SPMIP7: variants seen among roughly 807,000 people sequenced by gnomAD.
SPMIP7 encodes sperm microtubule inner protein 7.
chr7:50,134,240 A>G, the SPMIP7 span: 1 of 1,540,318 alleles, frequency 6.5e-7, no homozygotes, highest in Non-Finnish European at 8.7e-7. Context: ...TGCCAGCAAT[A>G]ACTCAGGTCA....
At chr7:50,150,166 C>G in the SPMIP7 span, among the ~76,000 whole-genome samples, 2 of 152,166 alleles carry the variant, frequency 1.3e-5, no homozygotes, top group Non-Finnish European at 2.9e-5. Context: ...GCTTACTGGT[C>G]GTGTGGGAAG....
the SPMIP7 span, among the ~76,000 whole-genome samples, chr7:50,124,735 GA>G: frequency 6.6e-6 from 1 of 152,092 alleles, no homozygotes; most frequent in Non-Finnish European, 1.5e-5. Flanking sequence ...CTGCTAAGAA[GA>G]AAAATTAGCC....
At chr7:50,098,700 C>G in the SPMIP7 span, among the ~76,000 whole-genome samples, 1 of 151,964 alleles carries the variant, frequency 6.6e-6, no homozygotes, top group Admixed American at 6.6e-5. Flanking sequence ...AGAGAGAGCT[C>G]TAGTCTCCCT....
At chr7:50,097,698 A>AAT in the SPMIP7 span, among the ~76,000 whole-genome samples, 1 of 150,264 alleles carries the variant, frequency 6.7e-6, no homozygotes, top group South Asian at 2.1e-4. Context: ...AAAAAAAAAA[A>AAT]CTCACCTAAG....
the SPMIP7 span, among the ~76,000 whole-genome samples, chr7:50,124,057 T>A: frequency 6.6e-6 from 1 of 152,016 alleles, no homozygotes; most frequent in Non-Finnish European, 1.5e-5. Flanking sequence ...ATACATACAA[T>A]GTAAATAAAA....
chr7:50,127,617 C>A, the SPMIP7 span, among the ~76,000 whole-genome samples: 35 of 142,426 alleles, frequency 2.5e-4, no homozygotes, highest in East Asian at 6.3e-4. Context: ...ATATCTTTTT[C>A]TATATATATA....
the SPMIP7 span, among the ~76,000 whole-genome samples, chr7:50,155,119 T>C: frequency 6.6e-6 from 1 of 152,228 alleles, no homozygotes; most frequent in African/African-American, 2.4e-5. Context: ...TTCCCAAATA[T>C]TTTCCCCCAG....
chr7:50,123,816 C>G, the SPMIP7 span, among the ~76,000 whole-genome samples: 1 of 150,682 alleles, frequency 6.6e-6, no homozygotes, highest in African/African-American at 2.4e-5. Flanking sequence ...AAAAAAGGAA[C>G]AGAGAAATAG....
chr7:50,111,691 G>C, the SPMIP7 span, among the ~76,000 whole-genome samples: 2 of 152,114 alleles, frequency 1.3e-5, no homozygotes, highest in African/African-American at 4.8e-5. Flanking sequence ...TTTGTTAAAA[G>C]GGAAACCCTG....
chr7:50,116,944 G>A, the SPMIP7 span, among the ~76,000 whole-genome samples: 3 of 152,156 alleles, frequency 2.0e-5, no homozygotes, highest in Admixed American at 1.3e-4. Context: ...TTCTCCTCTT[G>A]CCTGAGAGAA....
At chr7:50,125,903 G>A in the SPMIP7 span, among the ~76,000 whole-genome samples, 1 of 151,892 alleles carries the variant, frequency 6.6e-6, no homozygotes, top group Non-Finnish European at 1.5e-5. Flanking sequence ...ATATATTATG[G>A]GGACTGTAGT....
the SPMIP7 span, among the ~76,000 whole-genome samples, chr7:50,152,071 G>T: frequency 6.6e-6 from 1 of 152,250 alleles, no homozygotes; most frequent in Non-Finnish European, 1.5e-5. Context: ...GATGTGGCCA[G>T]GCATGGTGGC....
the SPMIP7 span, among the ~76,000 whole-genome samples, chr7:50,125,506 A>G: frequency 7.6e-3 from 1,155 of 151,114 alleles, 21 homozygotes; most frequent in African/African-American, 0.027. Flanking sequence ...GGATAGATAC[A>G]CAAGAGAAAA....
At chr7:50,096,788 G>A in the SPMIP7 span, 10 of 661,010 alleles carry the variant, frequency 1.5e-5, no homozygotes, top group East Asian at 2.9e-5. Context: ...AAGAAACAAA[G>A]GAATGATAAA....
the SPMIP7 span, among the ~76,000 whole-genome samples, chr7:50,118,513 T>TA: frequency 5.6e-4 from 85 of 152,348 alleles, 1 homozygote; most frequent in Non-Finnish European, 7.9e-4. Context: ...TCTGTATATT[T>TA]ACATGTTATC....
At chr7:50,156,837 C>T in the SPMIP7 span, among the ~76,000 whole-genome samples, 1 of 152,136 alleles carries the variant, frequency 6.6e-6, no homozygotes, top group African/African-American at 2.4e-5. Context: ...CGGAGTCTCC[C>T]TGTGGCTTCC....
chr7:50,125,229 C>CAT, the SPMIP7 span, among the ~76,000 whole-genome samples: 43 of 28,138 alleles, frequency 1.5e-3, 6 homozygotes, highest in African/African-American at 3.8e-3. Context: ...CATATATACA[C>CAT]ATATATATAC....
the SPMIP7 span, chr7:50,141,650 A>G: frequency 2.7e-6 from 1 of 369,732 alleles, no homozygotes; most frequent in Non-Finnish European, 5.2e-6. Flanking sequence ...AATGCCACCA[A>G]GCAAGGTGAT....
At chr7:50,102,341 C>CA in the SPMIP7 span, among the ~76,000 whole-genome samples, 2 of 152,116 alleles carry the variant, frequency 1.3e-5, no homozygotes, top group African/African-American at 4.8e-5. Context: ...TAAATAAAGC[C>CA]AAAATCAAGG....
Sources: gnomAD v4.1 joint callset for allele counts (sites outside exome capture counted in the v4.1 genomes callset) on GRCh38, gnomAD v4.1.1 for gene constraint, MANE v1.5 for transcripts, NCBI Gene and HGNC (gene_info 2026-07-23, HGNC 2026-07-21) for gene names.